The following TENM1 variants were observed in gnomAD, a reference collection of about 807,000 sequenced individuals.
The protein encoded by TENM1 is teneurin transmembrane protein 1, also known as teneurin-1.
A neutral mutation model predicts 174.8 loss-of-function variants in TENM1; 35 were observed. The observed-to-expected ratio is 0.20, with a 90% CI of 0.15 to 0.27. The LOEUF (loss-of-function observed/expected upper bound fraction) is 0.27. Among genes scored for constraint, TENM1 ranks in the 10% least tolerant of loss-of-function variants. TENM1 has a pLI of 1.00. For missense variants in TENM1, 1,633 were observed against 2,130.1 expected (o/e 0.77, Z 4.59); for synonymous variants, 781 against 798.7 (o/e 0.98, Z 0.37).
At chrX:125,192,322 T>C in the TENM1 span, among the ~76,000 whole-genome samples, 10 of 112,156 alleles carry the variant, frequency 8.9e-5, no homozygotes, top group East Asian at 2.8e-4. Flanking sequence ...GTCCAATAAA[T>C]AGTGACCAAA....
chrX:124,411,011 A>G (rs1359689001), intron 25 of TENM1, among the ~76,000 whole-genome samples: 1 of 111,962 alleles, frequency 8.9e-6, no homozygotes, highest in Non-Finnish European at 1.9e-5. Context: ...ATCAGATACC[A>G]ACTGGGCCAT....
intron 4 of TENM1, among the ~76,000 whole-genome samples, chrX:124,725,745 A>T (rs141444373): frequency 8.9e-6 from 1 of 112,574 alleles, no homozygotes; most frequent in Non-Finnish European, 1.9e-5. Flanking sequence ...TGATACACAC[A>T]TACACACACA....
At chrX:125,030,541 C>T in the TENM1 span, among the ~76,000 whole-genome samples, 3 of 112,202 alleles carry the variant, frequency 2.7e-5, no homozygotes, top group Non-Finnish European at 5.6e-5. Flanking sequence ...CTTATCCCTT[C>T]TTTTCCCCAG....
At chrX:124,635,496 T>C (rs771725661) in intron 11 of TENM1, among the ~76,000 whole-genome samples, 34 of 112,384 alleles carry the variant, frequency 3.0e-4, no homozygotes, top group Admixed American at 1.1e-3. Flanking sequence ...CTCCAGCTGA[T>C]TAACCCACTT....
At chrX:124,722,349 A>T (rs1299096256) in intron 4 of TENM1, among the ~76,000 whole-genome samples, 1 of 111,788 alleles carries the variant, frequency 8.9e-6, no homozygotes, top group Non-Finnish European at 1.9e-5. Context: ...TGTTTTTTGT[A>T]TGCCAGATAG....
chrX:124,780,282 T>C (rs1362278837), intron 3 of TENM1, among the ~76,000 whole-genome samples: 1 of 112,327 alleles, frequency 8.9e-6, no homozygotes, highest in East Asian at 2.8e-4. Flanking sequence ...CTTATACACT[T>C]CAAACAGTAA....
At chrX:125,031,162 C>T in the TENM1 span, among the ~76,000 whole-genome samples, 2 of 110,073 alleles carry the variant, frequency 1.8e-5, no homozygotes, top group African/African-American at 6.6e-5. Context: ...TCTTTATGTC[C>T]CTGAGTATCT....
At chrX:124,579,335 A>G (rs2049246204) in intron 11 of TENM1, among the ~76,000 whole-genome samples, 1 of 111,864 alleles carries the variant, frequency 8.9e-6, no homozygotes, top group Admixed American at 9.5e-5. Context: ...CCTTTGCTAC[A>G]GACAAATTTG....
the TENM1 span, among the ~76,000 whole-genome samples, chrX:125,085,601 C>T: frequency 1.3e-4 from 14 of 111,236 alleles, no homozygotes; most frequent in African/African-American, 4.2e-4. Flanking sequence ...ATATGATTGT[C>T]CAAAAATCTG....
chrX:124,477,667 G>A (rs1017415190), intron 22 of TENM1, among the ~76,000 whole-genome samples: 2 of 108,461 alleles, frequency 1.8e-5, no homozygotes, highest in South Asian at 4.3e-4. Flanking sequence ...CAGGAGAATC[G>A]CTGGAACTCG....
chrX:124,809,873 AG>A (rs1569452138), intron 3 of TENM1, among the ~76,000 whole-genome samples: 3,775 of 107,811 alleles, frequency 0.035, 90 homozygotes, highest in African/African-American at 0.082. Flanking sequence ...AGAGAGAGAG[AG>A]AGAGAAGCAG....
At chrX:124,744,311 A>G (rs2053867780) in intron 3 of TENM1, among the ~76,000 whole-genome samples, 2 of 112,263 alleles carry the variant, frequency 1.8e-5, no homozygotes, top group African/African-American at 6.5e-5. Flanking sequence ...TAAAAAAAAG[A>G]AAAATGAAGC....
At chrX:125,154,076 T>C in the TENM1 span, among the ~76,000 whole-genome samples, 1 of 112,154 alleles carries the variant, frequency 8.9e-6, no homozygotes, top group East Asian at 2.8e-4. Flanking sequence ...CATAACTCAA[T>C]TGCAAACATG....
intron 5 of TENM1, among the ~76,000 whole-genome samples, chrX:124,692,901 G>A (rs951132577): frequency 2.8e-5 from 3 of 105,936 alleles, no homozygotes; most frequent in African/African-American, 6.9e-5. Flanking sequence ...CCAGTTACTC[G>A]GGAGGCTGAG....
chrX:125,082,259 A>G, the TENM1 span, among the ~76,000 whole-genome samples: 1 of 110,617 alleles, frequency 9.0e-6, no homozygotes, highest in African/African-American at 3.3e-5. Flanking sequence ...ATATGGCAAT[A>G]ACTTCTTAAC....
intron 18 of TENM1, among the ~76,000 whole-genome samples, chrX:124,514,332 C>T (rs1042715601): frequency 1.8e-5 from 2 of 110,342 alleles, no homozygotes; most frequent in South Asian, 3.9e-4. Context: ...CAACCCCCAT[C>T]GAAACCCAAC....
chrX:124,388,880 A>G (rs10442518), intron 28 of TENM1, among the ~76,000 whole-genome samples: 286 of 112,615 alleles, frequency 2.5e-3, no homozygotes, highest in African/African-American at 8.8e-3. Context: ...GTATAAGGCT[A>G]AAGTATCTTA....
In TENM1 at chrX:124,944,160, A is replaced by C. The variant is rs765639062; in HGVS notation, c.217+19377T>G. 7.1e-5 allele frequency among the ~76,000 whole-genome samples: 8 copies of C among 111,928 alleles called. No homozygotes were observed. In the South Asian group the frequency reaches 2.9e-3, roughly 41 times the overall value. On this transcript the variant is annotated intron_variant, in intron 1 of 31. Transcript: ENST00000422452. ...TGATAAGTTCAAGAGTCTTTTAAAC[A>C]TGTTCACAACTGGACATTAAATAAA...
intron 6 of TENM1, among the ~76,000 whole-genome samples, chrX:124,663,691 G>A (rs2051668592): frequency 9.1e-6 from 1 of 110,029 alleles, no homozygotes; most frequent in African/African-American, 3.3e-5. Context: ...CAGACTGTTA[G>A]ACTAGAGGGA....
Sources: gnomAD v4.1 joint callset for allele counts (sites outside exome capture counted in the v4.1 genomes callset) on GRCh38, gnomAD v4.1.1 for gene constraint, MANE v1.5 for transcripts, NCBI Gene and HGNC (gene_info 2026-07-23, HGNC 2026-07-21) for gene names.